Variants in CTNNA1 observed in about 807,000 individuals in gnomAD.
The protein encoded by CTNNA1 is catenin alpha 1.
A neutral mutation model predicts 98.4 loss-of-function variants in CTNNA1; 37 were observed. That is an observed-to-expected ratio of 0.38 (90% CI 0.29 to 0.49). The LOEUF (loss-of-function observed/expected upper bound fraction) is 0.49, where lower values mean the gene tolerates loss of function less well. Ranked by LOEUF, CTNNA1 falls within the 20% of genes least tolerant of loss-of-function variation. CTNNA1 has a pLI of 0.95. For missense variants in CTNNA1, 761 were observed against 1,147.2 expected (o/e 0.66, Z 4.86); for synonymous variants, 404 against 413.2 (o/e 0.98, Z 0.27).
intron 3 of CTNNA1, among the ~76,000 whole-genome samples, chr5:138,809,653 T>C (rs1412795245): frequency 6.6e-6 from 1 of 152,212 alleles, no homozygotes; most frequent in Non-Finnish European, 1.5e-5. Context: ...GTTTCTGTAT[T>C]CTATGGATGT....
At chr5:138,899,643 T>C (rs886066585) in intron 9 of CTNNA1, among the ~76,000 whole-genome samples, 1 of 152,178 alleles carries the variant, frequency 6.6e-6, no homozygotes, top group Non-Finnish European at 1.5e-5. Flanking sequence ...CCTTGGCCCA[T>C]TAAAACCCAA....
intron 9 of CTNNA1, among the ~76,000 whole-genome samples, chr5:138,896,198 G>T (rs561760956): frequency 6.6e-6 from 1 of 152,280 alleles, no homozygotes; most frequent in Non-Finnish European, 1.5e-5. Context: ...CACAGTGTCA[G>T]GGAGTCTGTG....
At chr5:138,853,370 TC>T (rs1763418532) in intron 7 of CTNNA1, among the ~76,000 whole-genome samples, 1 of 152,232 alleles carries the variant, frequency 6.6e-6, no homozygotes. Flanking sequence ...TTGCCCATTT[TC>T]TACTGTCATT....
intron 6 of CTNNA1, 41 bp from the exon 7 acceptor site, chr5:138,827,474 A>G (rs1163169408): frequency 1.3e-6 from 2 of 1,597,930 alleles, no homozygotes; most frequent in Non-Finnish European, 1.7e-6. Context: ...AAAGAAGGGA[A>G]CAGAGATGAG....
chr5:138,874,965 G>C lies in CTNNA1; in HGVS notation c.1063-11247G>C. On this transcript the variant is annotated intron_variant, in intron 7 of 17. Coordinates refer to ENST00000302763, the MANE Select transcript of CTNNA1 (RefSeq NM_001903.5). This position sits in a 1 kb window ranked among gnomAD's most constrained non-coding sequence, Gnocchi z 4.1. ...AGTCGCGGTTGTTAGACTCAACGCAGTGAGTCTGTAAAAGGCTCTAACATG... is the reference window on the plus strand; with the variant it reads ...AGTCGCGGTTGTTAGACTCAACGCACTGAGTCTGTAAAAGGCTCTAACATG... The C allele has an allele frequency of 6.3e-7, 1 of 1,596,874 alleles. No homozygotes were observed. The highest frequency in any genetic ancestry group is 8.6e-7 in the Non-Finnish European group (1 of 1,165,398).
chr5:138,839,061 T>G (rs1762048572), intron 7 of CTNNA1, among the ~76,000 whole-genome samples: 2 of 152,230 alleles, frequency 1.3e-5, no homozygotes, highest in African/African-American at 4.8e-5. Context: ...TATGTTTCTG[T>G]TACTGATTTC....
Position 138,930,541 on chromosome 5 carries a change from A to C in CTNNA1, c.2079A>C (p.Glu693Asp). The C allele has an allele frequency of 6.2e-7, 1 of 1,613,958 alleles. No homozygotes were observed. Among genetic ancestry groups the C allele is most frequent in the Non-Finnish European group, 8.5e-7 (1 of 1,179,858 alleles). Residue 693 changes from glutamate (E) to aspartate (D), a missense_variant, in exon 15 of 18, where the codon GAA becomes GAC. By Grantham distance (45) the Glu-to-Asp change is conservative. Transcript: ENST00000302763. ...KIAEQVASFQ[E>D]EKSKLDAEVS... is the part of the protein sequence containing the mutation. The stretch of plus-strand genomic sequence containing the variant: ...CGGAACAGGTGGCCAGCTTCCAGGA[A>C]GAAAAGAGCAAGCTGGATGCTGAAG...
At chr5:138,754,195 C>G (rs1010137606) in intron 1 of CTNNA1, 3 of 150,542 alleles carry the variant, frequency 2.0e-5, no homozygotes, top group African/African-American at 7.3e-5. Context: ...ACGCACTTAG[C>G]TTTCAGCCCT....
intron 10 of CTNNA1, among the ~76,000 whole-genome samples, chr5:138,915,985 G>A (rs1355725190): frequency 6.6e-6 from 1 of 152,142 alleles, no homozygotes; most frequent in African/African-American, 2.4e-5. Flanking sequence ...GGAGAGGGAG[G>A]TTGCAGTGAG....
At chr5:138,772,498 A>G (rs1753656708) in intron 1 of CTNNA1, among the ~76,000 whole-genome samples, 1 of 152,212 alleles carries the variant, frequency 6.6e-6, no homozygotes, top group African/African-American at 2.4e-5. Context: ...ATTGTAGAGA[A>G]CCAGAAGATA....
intron 9 of CTNNA1, among the ~76,000 whole-genome samples, chr5:138,900,638 A>C (rs1757832768): frequency 6.6e-6 from 1 of 152,218 alleles, no homozygotes; most frequent in Non-Finnish European, 1.5e-5. Context: ...TTCATTTAAC[A>C]AATTTTATGT....
chr5:138,783,428 G>GTTTGAAGA, intron 3 of CTNNA1, 56 bp downstream of exon 3: 14 of 1,484,154 alleles, frequency 9.4e-6, no homozygotes, highest in African/African-American at 1.4e-5. Flanking sequence ...GAAAATCAGT[G>GTTTGAAGA]TTTGAAGATT....
intron 10 of CTNNA1, among the ~76,000 whole-genome samples, chr5:138,916,096 G>A (rs1031300067): frequency 6.8e-6 from 1 of 147,246 alleles, no homozygotes; most frequent in Non-Finnish European, 1.5e-5. Context: ...AGTTACAAAA[G>A]TCCACATGTT....
intron 9 of CTNNA1, among the ~76,000 whole-genome samples, chr5:138,891,924 C>G (rs967856284): frequency 1.5e-4 from 23 of 152,224 alleles, no homozygotes; most frequent in Non-Finnish European, 2.8e-4. Flanking sequence ...AGTCATTTCT[C>G]TGCTGTGGGG....
At chr5:138,789,677 C>T (rs1020582915) in intron 3 of CTNNA1, among the ~76,000 whole-genome samples, 2 of 152,148 alleles carry the variant, frequency 1.3e-5, no homozygotes, top group Non-Finnish European at 2.9e-5. Flanking sequence ...AGGCTGGTCT[C>T]AAACTCCTGA....
chr5:138,820,348 A>T (rs964514777), intron 5 of CTNNA1, among the ~76,000 whole-genome samples: 1 of 152,016 alleles, frequency 6.6e-6, no homozygotes, highest in Admixed American at 6.6e-5. Flanking sequence ...AAGATGGTAT[A>T]GCACAGTAGT....
chr5:138,886,844 T>C (rs1754154834), intron 8 of CTNNA1, among the ~76,000 whole-genome samples: 1 of 152,174 alleles, frequency 6.6e-6, no homozygotes, highest in African/African-American at 2.4e-5. Flanking sequence ...TTTTAGTCTT[T>C]AAAGAAGTTA....
chr5:138,845,906 G>A (rs967219888), intron 7 of CTNNA1, among the ~76,000 whole-genome samples: 5 of 150,776 alleles, frequency 3.3e-5, no homozygotes, highest in Non-Finnish European at 5.9e-5. Context: ...ATAGCTAAAG[G>A]GTACAGGTTT....
chr5:138,903,128 G>C (rs180914928), intron 9 of CTNNA1, among the ~76,000 whole-genome samples: 8 of 152,106 alleles, frequency 5.3e-5, no homozygotes, highest in Non-Finnish European at 1.0e-4. Context: ...TGACTTTCCA[G>C]TTCCTTTACA....
Sources: gnomAD v4.1 joint callset for allele counts (sites outside exome capture counted in the v4.1 genomes callset) on GRCh38, gnomAD v4.1.1 for gene constraint, Gnocchi (gnomAD v3.1) non-coding constraint, MANE v1.5 for transcripts, NCBI Gene and HGNC (gene_info 2026-07-23, HGNC 2026-07-21) for gene names.